Variants in SERPINB8 observed in about 807,000 individuals in gnomAD.
SERPINB8 encodes the protein serpin family B member 8, also known as serpin B8.
SERPINB8 carries 25 observed loss-of-function variants against 35.3 expected under a neutral mutation model. That is an observed-to-expected ratio of 0.71 (90% confidence interval 0.52 to 0.99). The LOEUF (loss-of-function observed/expected upper bound fraction) is 0.99, where lower values mean the gene tolerates loss of function less well. SERPINB8 is among the 50% of genes least tolerant of loss of function. The pLI is 0.00. For synonymous variants in SERPINB8, 186 were observed against 160.8 expected (o/e 1.16, Z -1.19); for missense variants, 484 against 446.5 (o/e 1.08, Z -0.76).
intron 6 of SERPINB8, chr18:63,986,394 T>G: frequency 6.5e-7 from 1 of 1,544,562 alleles, no homozygotes; most frequent in Non-Finnish European, 8.7e-7. Flanking sequence ...CATCTTCAGA[T>G]GAAACACAAT....
intron 1 of SERPINB8, among the ~76,000 whole-genome samples, chr18:63,999,917 G>C (rs774532172): frequency 2.6e-5 from 4 of 152,090 alleles, no homozygotes; most frequent in Non-Finnish European, 5.9e-5. Flanking sequence ...CACTGCTCAG[G>C]TCCCTCAGTG....
chr18:63,998,417 T>G (rs2050859878), intron 1 of SERPINB8, among the ~76,000 whole-genome samples: 1 of 152,208 alleles, frequency 6.6e-6, no homozygotes, highest in African/African-American at 2.4e-5. Context: ...GGATTCTCCA[T>G]GCTCTGTATC....
In SERPINB8 at chr18:63,987,601, C is replaced by T. The variant is rs80209661; in HGVS notation, c.*323C>T. ...CAGGGCTTCAGGAGCCAGCCCTCTT[C>T]CATCCGCCCGGCTCTGCCCACCACC... is the stretch of plus-strand genomic sequence containing the variant. On this transcript the variant is annotated 3_prime_UTR_variant, in exon 7 of 7. Coordinates refer to ENST00000397985, the MANE Select transcript of SERPINB8 (RefSeq NM_002640.4). 5 of 158,550 alleles carry T rather than the reference C, an allele frequency of 3.2e-5. No individual in the cohort carries two copies. Among genetic ancestry groups the T allele is most frequent in the Non-Finnish European group, 5.7e-5 (5 of 87,298 alleles). The allele number at this position is 158,550 out of a possible 1,614,324, so 9.8% of individuals were successfully genotyped here.
intron 7 of SERPINB8, among the ~76,000 whole-genome samples, chr18:64,014,552 C>G (rs950787977): frequency 6.6e-6 from 1 of 152,144 alleles, no homozygotes; most frequent in Non-Finnish European, 1.5e-5. Flanking sequence ...ATCAGCAATC[C>G]TTCCTCATGC....
chr18:63,976,038 A>G (rs1292448460), intron 1 of SERPINB8, among the ~76,000 whole-genome samples: 2 of 152,200 alleles, frequency 1.3e-5, no homozygotes, highest in African/African-American at 4.8e-5. Context: ...ATATCTCTAG[A>G]TAGAGTTTCC....
intron 2 of SERPINB8, 77 bp from the exon 3 acceptor site, chr18:63,979,724 C>CA: frequency 6.4e-7 from 1 of 1,552,150 alleles, no homozygotes; most frequent in Non-Finnish European, 8.8e-7. Context: ...TTTTTTAGTA[C>CA]AGAGGTTTGT....
At position 63,987,151 on chromosome 18, in the gene SERPINB8, C is replaced by T. The variant is rs561984808; in HGVS notation, c.998C>T (p.Ala333Val). 1 of 1,614,214 alleles carries T rather than the reference C, an allele frequency of 6.2e-7. No individual in the cohort carries two copies. The highest frequency in any genetic ancestry group is 1.1e-5 in the South Asian group (1 of 91,084). ...EEGTEAAAAT[A>V]VVRNSRCSRM... ...GGCACAGAGGCTGCCGCAGCCACTG[C>T]TGTGGTCAGGAATTCCCGGTGCAGC... The change falls in exon 7 of 7, where the codon GCT (alanine) becomes GTT (valine). Residue 333 changes from alanine to valine, a missense_variant. By Grantham distance (64) the Ala-to-Val change is moderately conservative (BLOSUM62 0). Coordinates refer to ENST00000397985, the MANE Select transcript of SERPINB8 (RefSeq NM_002640.4).
chr18:63,989,875 G>A (rs1276328887), downstream of SERPINB8, among the ~76,000 whole-genome samples: 57 of 143,098 alleles, frequency 4.0e-4, no homozygotes, highest in Admixed American at 7.0e-4. Context: ...CCCGGGAGGC[G>A]GAGCTTGCAG....
chr18:64,011,065 A>G (rs61491713), intron 7 of SERPINB8, among the ~76,000 whole-genome samples: 8,736 of 152,086 alleles, frequency 0.057, 785 homozygotes, highest in African/African-American at 0.2. Flanking sequence ...ATGTGACAAG[A>G]ACTAAAATCA....
chr18:63,983,093 T>C (rs770121406), intron 4 of SERPINB8, among the ~76,000 whole-genome samples: 4 of 152,114 alleles, frequency 2.6e-5, no homozygotes, highest in Non-Finnish European at 4.4e-5. Context: ...CTGAAGACAA[T>C]CTTGGTTGTC....
At chr18:64,015,909 TCTC>T (rs1423810481) in intron 7 of SERPINB8, among the ~76,000 whole-genome samples, 1 of 152,160 alleles carries the variant, frequency 6.6e-6, no homozygotes, top group African/African-American at 2.4e-5. Context: ...GCAATCTCCT[TCTC>T]CTCCTAATAA....
At chr18:64,015,394 T>C (rs1210872399) in intron 7 of SERPINB8, among the ~76,000 whole-genome samples, 1 of 152,186 alleles carries the variant, frequency 6.6e-6, no homozygotes, top group Non-Finnish European at 1.5e-5. Flanking sequence ...TCCTTTGGGC[T>C]CAAATTCTCC....
At chr18:63,993,087 G>T (rs150503682), downstream of SERPINB8, among the ~76,000 whole-genome samples, 1 of 152,118 alleles carries the variant, frequency 6.6e-6, no homozygotes. Context: ...TGCTGAGTTG[G>T]TCATGATCCC....
chr18:63,986,648 G>A lies in SERPINB8; in HGVS notation c.721-226G>A, dbSNP rs748798497. On this transcript the variant is annotated intron_variant, in intron 6 of 6. Transcript: ENST00000397985. ...TTGTTTTTATTAAAAATTTCTGCCT[G>A]TCTCAGGTGTTTACTAGCTCTTTTA... The A allele has an allele frequency of 2.2e-6, 3 of 1,333,548 alleles. No individual in the cohort carries two copies. In the African/African-American group the frequency reaches 4.5e-5, roughly 20 times the overall value. 82.6% of individuals were successfully genotyped at this position (1,333,548 alleles called of 1,614,324 possible).
At chr18:64,012,590 T>TGTGCGC (rs1555659863) in intron 7 of SERPINB8, among the ~76,000 whole-genome samples, 42 of 151,272 alleles carry the variant, frequency 2.8e-4, no homozygotes, top group Non-Finnish European at 5.2e-4. Context: ...TGTGTGTGTG[T>TGTGCGC]GCGTGTGTGT....
Position 63,988,196 on chromosome 18 carries a change from A to G in SERPINB8, c.*918A>G, listed in dbSNP as rs1313690809. The G allele has an allele frequency of 6.6e-6, 1 of 152,172 alleles. No homozygotes were observed. Among genetic ancestry groups the G allele is most frequent in the Non-Finnish European group, 1.5e-5 (1 of 68,006 alleles). The allele number at this position is 152,172 out of a possible 1,614,324, so 9.4% of individuals were successfully genotyped here. On this transcript the variant is annotated 3_prime_UTR_variant, in exon 7 of 7. Transcript: ENST00000397985. ...TTAATAGTGATATACATCCTTCCCTATTATGTGTATGCAAATAGAAATTTA... is the reference window on the plus strand; with the variant it reads ...TTAATAGTGATATACATCCTTCCCTGTTATGTGTATGCAAATAGAAATTTA...
rs980650976 is a variant in SERPINB8, at chr18:63,987,283, G to C, written c.*5G>C. On this transcript the variant is annotated 3_prime_UTR_variant, in exon 7 of 7. Coordinates refer to ENST00000397985, the MANE Select transcript of SERPINB8 (RefSeq NM_002640.4). Reference sequence around the variant, plus strand: ...GGCAGGTTCTCTTCTCCGTAAAGAGGAGCAATTGCTGTACATACCCTCCTT... The same window carrying C: ...GGCAGGTTCTCTTCTCCGTAAAGAGCAGCAATTGCTGTACATACCCTCCTT... 4 of 1,606,364 alleles carry C rather than the reference G, an allele frequency of 2.5e-6. No homozygotes were observed. The highest frequency in any genetic ancestry group is 3.4e-6 in the Non-Finnish European group (4 of 1,175,494).
chr18:63,979,707 G>T, intron 2 of SERPINB8, 94 bp from the exon 3 acceptor site: 1 of 1,456,008 alleles, frequency 6.9e-7, no homozygotes, highest in Non-Finnish European at 9.5e-7. Flanking sequence ...GTAGGATCCT[G>T]TGTGGTTTTT....
At chr18:64,014,176 T>C (rs2050939010) in intron 7 of SERPINB8, among the ~76,000 whole-genome samples, 1 of 152,156 alleles carries the variant, frequency 6.6e-6, no homozygotes, top group African/African-American at 2.4e-5. Context: ...TGGAGTAGTG[T>C]ATGCAGAAAA....
Sources: allele counts gnomAD v4.1 joint callset (sites outside exome capture counted in the v4.1 genomes callset), GRCh38; gene constraint gnomAD v4.1.1; transcripts MANE v1.5; gene names NCBI Gene and HGNC (gene_info 2026-07-23, HGNC 2026-07-21).